The following CFAP263 variants were observed in gnomAD, a reference collection of about 807,000 sequenced individuals.
The protein encoded by CFAP263 is cilia and flagella associated protein 263, also known as cilia- and flagella-associated protein 263.
the CFAP263 span, chr16:58,278,642 G>A: frequency 1.2e-6 from 2 of 1,613,704 alleles, no homozygotes. Flanking sequence ...GCAGAGGTGA[G>A]CCACGGGGAG....
At chr16:58,278,638 G>A in the CFAP263 span, 4 of 1,613,998 alleles carry the variant, frequency 2.5e-6, no homozygotes, top group Admixed American at 5.0e-5. Flanking sequence ...GATAGCAGAG[G>A]TGAGCCACGG....
the CFAP263 span, among the ~76,000 whole-genome samples, chr16:58,261,603 A>T: frequency 6.6e-6 from 1 of 152,214 alleles, no homozygotes; most frequent in African/African-American, 2.4e-5. Flanking sequence ...CTCAGCAGAG[A>T]GAGGGATCAC....
At chr16:58,255,393 C>T in the CFAP263 span, among the ~76,000 whole-genome samples, 2 of 152,214 alleles carry the variant, frequency 1.3e-5, no homozygotes, top group South Asian at 2.1e-4. Context: ...GGTGGATCTT[C>T]CCCCCGCCCA....
chr16:58,281,295 G>A, the CFAP263 span: 2 of 157,980 alleles, frequency 1.3e-5, no homozygotes, highest in Non-Finnish European at 2.8e-5. Flanking sequence ...GTAGAAGCTT[G>A]GCATCATTAG....
chr16:58,254,180 A>G, the CFAP263 span: 1 of 1,613,786 alleles, frequency 6.2e-7, no homozygotes, highest in Non-Finnish European at 8.5e-7. Context: ...CTGCCAGCGC[A>G]GCCTGTCCTG....
the CFAP263 span, chr16:58,267,551 G>GA: frequency 1.2e-6 from 2 of 1,613,240 alleles, no homozygotes; most frequent in Non-Finnish European, 8.5e-7. Context: ...AGAGCTACTT[G>GA]AAAAAATTGA....
the CFAP263 span, chr16:58,258,455 A>C: frequency 1.9e-6 from 3 of 1,613,984 alleles, no homozygotes; most frequent in Non-Finnish European, 2.5e-6. Flanking sequence ...AGCCATATCC[A>C]AGAAGAAAGG....
the CFAP263 span, chr16:58,279,902 C>T: frequency 2.6e-6 from 2 of 755,000 alleles, no homozygotes; most frequent in South Asian, 3.7e-5. Flanking sequence ...ACCCAGGCTG[C>T]GTATCATCTC....
At chr16:58,264,434 A>G in the CFAP263 span, among the ~76,000 whole-genome samples, 1 of 152,212 alleles carries the variant, frequency 6.6e-6, no homozygotes, top group Non-Finnish European at 1.5e-5. Flanking sequence ...AGTATCCGAG[A>G]TCAGCAGCGC....
At chr16:58,254,822 G>A in the CFAP263 span, among the ~76,000 whole-genome samples, 1 of 151,912 alleles carries the variant, frequency 6.6e-6, no homozygotes, top group African/African-American at 2.4e-5. Context: ...TTAGCCAATG[G>A]TCTCGATCTC....
chr16:58,272,479 C>T, the CFAP263 span, among the ~76,000 whole-genome samples: 1 of 152,118 alleles, frequency 6.6e-6, no homozygotes, highest in Non-Finnish European at 1.5e-5. Flanking sequence ...TACTACACAC[C>T]TAGGCTACAT....
chr16:58,279,777 GC>G, the CFAP263 span: 1 of 1,611,752 alleles, frequency 6.2e-7, no homozygotes, highest in Non-Finnish European at 8.5e-7. Context: ...CTGGGAAGTA[GC>G]CAGAGGCAGG....
At chr16:58,282,462 C>T in the CFAP263 span, 2 of 152,446 alleles carry the variant, frequency 1.3e-5, no homozygotes, top group South Asian at 4.1e-4. Context: ...TAAAGCTCCT[C>T]TTTTCCAAGG....
At chr16:58,252,527 G>A in the CFAP263 span, among the ~76,000 whole-genome samples, 6 of 152,180 alleles carry the variant, frequency 3.9e-5, 1 homozygote, top group South Asian at 1.2e-3. Flanking sequence ...CTTACTATGT[G>A]TCAGGCACTG....
chr16:58,275,146 G>C, the CFAP263 span, among the ~76,000 whole-genome samples: 1 of 152,230 alleles, frequency 6.6e-6, no homozygotes, highest in South Asian at 2.1e-4. Context: ...CTGAAAACAA[G>C]TTAATAAAAA....
At chr16:58,273,635 C>G in the CFAP263 span, among the ~76,000 whole-genome samples, 1 of 152,138 alleles carries the variant, frequency 6.6e-6, no homozygotes, top group Non-Finnish European at 1.5e-5. Flanking sequence ...TTGAATAGCT[C>G]CTTTGAAGAC....
the CFAP263 span, among the ~76,000 whole-genome samples, chr16:58,271,879 A>G: frequency 5.4e-4 from 83 of 152,300 alleles, no homozygotes; most frequent in Middle Eastern, 3.4e-3. Context: ...GGAAGTCACT[A>G]TGTACAGCCC....
At chr16:58,274,250 G>A in the CFAP263 span, among the ~76,000 whole-genome samples, 1 of 152,192 alleles carries the variant, frequency 6.6e-6, no homozygotes, top group African/African-American at 2.4e-5. Flanking sequence ...TAAACATATA[G>A]CTGGTTTATT....
chr16:58,257,010 A>ATTTTTTTTTT, the CFAP263 span, among the ~76,000 whole-genome samples: 184 of 50,074 alleles, frequency 3.7e-3, no homozygotes, highest in Middle Eastern at 9.3e-3. Flanking sequence ...GCATATATGA[A>ATTTTTTTTTT]TTTCTTTTTT....
Sources: allele counts gnomAD v4.1 joint callset (sites outside exome capture counted in the v4.1 genomes callset), GRCh38; gene constraint gnomAD v4.1.1; transcripts MANE v1.5; gene names NCBI Gene and HGNC (gene_info 2026-07-23, HGNC 2026-07-21).